Variants in LEPR observed in about 807,000 individuals in gnomAD.
LEPR encodes OB receptor.
A neutral mutation model predicts 114.7 loss-of-function variants in LEPR; 56 were observed. The ratio of observed to expected loss-of-function variants is 0.49; its 90% CI spans 0.39 to 0.61. The LOEUF is 0.61. Ranked by LOEUF, LEPR falls within the 20% of genes least tolerant of loss-of-function variation. The pLI, the probability that LEPR is intolerant of heterozygous loss-of-function variation, is 0.00. For missense variants in LEPR, 1,202 were observed against 1,352.9 expected, an observed-to-expected ratio of 0.89 and a Z score of 1.75; for synonymous variants, 443 against 461.4, an observed-to-expected ratio of 0.96 and a Z score of 0.51.
chr1:65,457,199 G>A (rs1393392412), intron 2 of LEPR, among the ~76,000 whole-genome samples: 1 of 152,078 alleles, frequency 6.6e-6, no homozygotes, highest in African/African-American at 2.4e-5. Context: ...ATATACATAA[G>A]CATATATAAC....
chr1:65,478,851 C>A (rs1647186486), intron 2 of LEPR, among the ~76,000 whole-genome samples: 1 of 152,158 alleles, frequency 6.6e-6, no homozygotes, highest in African/African-American at 2.4e-5. Context: ...AAACTGTACT[C>A]ACCCCACCTG....
intron 2 of LEPR, among the ~76,000 whole-genome samples, chr1:65,546,712 A>C (rs1469124769): frequency 2.0e-5 from 3 of 152,180 alleles, no homozygotes; most frequent in Non-Finnish European, 2.9e-5. Context: ...TTTTGGGCTG[A>C]GACAATGGGG....
At chr1:65,429,726 GT>G in intron 2 of LEPR, 1 of 712,368 alleles carries the variant, frequency 1.4e-6, no homozygotes, top group Non-Finnish European at 2.2e-6. Context: ...ATCATCTTAT[GT>G]TCTAATATTC....
chr1:65,570,846 A>G (rs1654101364), intron 4 of LEPR, 44 bp downstream of exon 4: 1 of 1,459,988 alleles, frequency 6.8e-7, no homozygotes, highest in Non-Finnish European at 9.1e-7. Flanking sequence ...AATGTTTTTT[A>G]ATTCTTTGAT....
At position 65,598,821 on chromosome 1, in the gene LEPR, C is replaced by T; in HGVS notation, c.994+17C>T. ...CCACACAAGGTAGGTTATGTAATAG[C>T]CACTTCTACTGGGAGGGAAATATAT... On this transcript the variant is annotated intron_variant, in intron 8 of 19. Coordinates refer to ENST00000349533, the MANE Select transcript of LEPR (RefSeq NM_002303.6). The T allele has an allele frequency of 1.9e-6, 3 of 1,612,870 alleles. No homozygotes were observed. Among genetic ancestry groups the T allele is most frequent in the Non-Finnish European group, 2.5e-6 (3 of 1,179,200 alleles).
chr1:65,634,398 C>A, intron 19 of LEPR: 1 of 969,492 alleles, frequency 1.0e-6, no homozygotes, highest in Middle Eastern at 5.3e-4. Flanking sequence ...TTAATTACTG[C>A]CCACTCAACA....
intron 2 of LEPR, among the ~76,000 whole-genome samples, chr1:65,495,108 C>T (rs1276269815): frequency 1.3e-5 from 2 of 151,832 alleles, no homozygotes; most frequent in African/African-American, 4.8e-5. Context: ...AGGAAACAAT[C>T]AACACAGTGA....
chr1:65,611,597 C>G (rs1657173363), intron 14 of LEPR, among the ~76,000 whole-genome samples: 1 of 152,154 alleles, frequency 6.6e-6, no homozygotes, highest in Non-Finnish European at 1.5e-5. Flanking sequence ...GTCAACAGCC[C>G]TTTGGCCTAG....
intron 2 of LEPR, among the ~76,000 whole-genome samples, chr1:65,503,265 T>C (rs1483226147): frequency 3.3e-5 from 5 of 152,138 alleles, no homozygotes; most frequent in South Asian, 2.1e-4. Context: ...TCAAAACCCA[T>C]AGAACTTTAC....
intron 2 of LEPR, among the ~76,000 whole-genome samples, chr1:65,491,722 C>T (rs1300459322): frequency 6.6e-6 from 1 of 152,024 alleles, no homozygotes; most frequent in Non-Finnish European, 1.5e-5. Flanking sequence ...TTTTACCAAC[C>T]ATCAGGGCAG....
At chr1:65,544,603 A>C (rs1651507333) in intron 2 of LEPR, among the ~76,000 whole-genome samples, 1 of 151,590 alleles carries the variant, frequency 6.6e-6, no homozygotes, top group Non-Finnish European at 1.5e-5. Flanking sequence ...TTATTTTTAG[A>C]TATGTTCCAT....
intron 2 of LEPR, chr1:65,525,579 G>A: frequency 2.1e-6 from 2 of 962,946 alleles, no homozygotes; most frequent in African/African-American, 1.8e-5. Flanking sequence ...GGGCGCACGC[G>A]GGCGGCCACC....
chr1:65,554,288 C>CT (rs1652652107), intron 2 of LEPR, among the ~76,000 whole-genome samples: 1 of 152,196 alleles, frequency 6.6e-6, no homozygotes, highest in South Asian at 2.1e-4. Flanking sequence ...ATGTTTAAGT[C>CT]TGCTGAAGCT....
chr1:65,483,733 G>A (rs1443167166), intron 2 of LEPR, among the ~76,000 whole-genome samples: 4 of 151,834 alleles, frequency 2.6e-5, no homozygotes, highest in Admixed American at 6.6e-5. Flanking sequence ...CCCTCTTACC[G>A]GAATATCCAT....
intron 14 of LEPR, 29 bp downstream of exon 14, chr1:65,610,325 A>G (rs1657086769): frequency 6.4e-7 from 1 of 1,554,830 alleles, no homozygotes; most frequent in African/African-American, 1.4e-5. Context: ...TTAATCTTAA[A>G]TTGTATTTTT....
At chr1:65,545,104 G>C (rs1420677486) in intron 2 of LEPR, among the ~76,000 whole-genome samples, 2 of 123,640 alleles carry the variant, frequency 1.6e-5, no homozygotes, top group African/African-American at 5.8e-5. Flanking sequence ...ATGATTTCCA[G>C]TTTCATCCAT....
intron 2 of LEPR, chr1:65,434,869 G>C (rs1295005663): frequency 1.0e-6 from 1 of 985,336 alleles, no homozygotes; most frequent in Non-Finnish European, 1.2e-6. Context: ...AAGTACAGCT[G>C]ATGTCATGTG....
intron 2 of LEPR, among the ~76,000 whole-genome samples, chr1:65,540,496 C>CT (rs1450952248): frequency 1.3e-5 from 2 of 152,124 alleles, no homozygotes; most frequent in Non-Finnish European, 2.9e-5. Flanking sequence ...TCCACCCTCT[C>CT]TTGCTCCCCC....
chr1:65,498,584 A>T (rs1648284611), intron 2 of LEPR, among the ~76,000 whole-genome samples: 1 of 152,120 alleles, frequency 6.6e-6, no homozygotes, highest in African/African-American at 2.4e-5. Context: ...AAAATAGACT[A>T]GCTCTTTTGC....
Sources: allele counts gnomAD v4.1 joint callset (sites outside exome capture counted in the v4.1 genomes callset), GRCh38; gene constraint gnomAD v4.1.1; transcripts MANE v1.5; gene names NCBI Gene and HGNC (gene_info 2026-07-23, HGNC 2026-07-21).